Variants in NBPF9 observed in about 807,000 individuals in gnomAD.
The protein encoded by NBPF9 is NBPF family member NBPF9.
Under a neutral mutation model 97.8 loss-of-function variants are expected in NBPF9, and 91 were observed. The ratio of observed to expected loss-of-function variants is 0.93; its 90% CI spans 0.79 to 1.11. NBPF9 has a LOEUF of 1.11. Ranked by LOEUF, NBPF9 falls within the 50% of genes least tolerant of loss-of-function variation. The pLI is 0.00. For synonymous variants in NBPF9, 334 were observed against 359.5 expected (o/e 0.93, Z 0.80); for missense variants, 992 against 939.5 (o/e 1.06, Z -0.73).
chr1:149,063,506 C>T (rs367913557), intron 20 of NBPF9, 127 bp downstream of exon 20: 6 of 701,406 alleles, frequency 8.6e-6, no homozygotes, highest in Middle Eastern at 3.8e-4. Flanking sequence ...ATTCAACGTA[C>T]ATGTGCCTAT....
rs2080818921 is a variant in NBPF9, at chr1:149,084,431, T to C, written c.-194-2001A>G. On this transcript the variant is annotated intron_variant, in intron 5 of 29. Coordinates refer to ENST00000584027, the Ensembl canonical transcript of NBPF9. The stretch of plus-strand genomic sequence containing the variant: ...ATATATAACATGTGTATATATATTA[T>C]ATATATATATATTTTTCTTTTTTAA... Among the ~76,000 whole-genome samples the C allele has an allele frequency of 2.2e-5, 3 of 135,674 alleles. No homozygotes were observed. The South Asian group carries it at 6.3e-4, about 29-fold the overall frequency. The allele number at this position is 135,674 out of a possible 152,430, so 89.0% of individuals were successfully genotyped here. A position where few individuals can be genotyped will look rare whatever the true frequency, so the allele number is the denominator to read the frequency against.
intron 14 of NBPF9, among the ~76,000 whole-genome samples, chr1:149,072,434 C>T (rs1234274163): frequency 1.3e-5 from 2 of 152,120 alleles, no homozygotes; most frequent in Non-Finnish European, 2.9e-5. Context: ...AACAAGCCTG[C>T]TCCCATCGCA....
At chr1:149,063,659 C>T (rs587703461) in exon 20 of NBPF9, 127 of 621,696 alleles carry the variant, frequency 2.0e-4, no homozygotes, top group Non-Finnish European at 3.0e-4. Context: ...CAAGCCAACA[C>T]GCTGTTGCTC....
At chr1:149,074,241 C>G (rs1223756534) in intron 12 of NBPF9, among the ~76,000 whole-genome samples, 1 of 151,316 alleles carries the variant, frequency 6.6e-6, no homozygotes, top group East Asian at 1.9e-4. Context: ...ATTTCTTGTA[C>G]AGTCGGGAAG....
chr1:149,082,604 C>A (rs6604862), intron 5 of NBPF9, among the ~76,000 whole-genome samples, 174 bp from the exon 6 acceptor site: 1 of 140,744 alleles, frequency 7.1e-6, no homozygotes, highest in Non-Finnish European at 1.5e-5. Context: ...ACCCTTGTGA[C>A]AATGCCACAG....
chr1:149,099,408 CTG>C (rs1437990857), intron 3 of NBPF9, among the ~76,000 whole-genome samples: 3,386 of 152,306 alleles, frequency 0.022, 113 homozygotes, highest in African/African-American at 0.077. Context: ...ATGGTGAAAA[CTG>C]TGACACTTGG....
chr1:149,079,892 T>TA (rs1209992095), intron 8 of NBPF9, among the ~76,000 whole-genome samples, 161 bp downstream of exon 8: 1 of 152,302 alleles, frequency 6.6e-6, no homozygotes, highest in Non-Finnish European at 1.5e-5. Context: ...GAACTTATTA[T>TA]TATCCTTGTT....
intron 4 of NBPF9, among the ~76,000 whole-genome samples, chr1:149,093,019 C>A (rs1420366480): frequency 6.6e-6 from 1 of 151,676 alleles, no homozygotes; most frequent in Non-Finnish European, 1.5e-5. Flanking sequence ...ACAGAGGACC[C>A]ATGCCGGCAC....
intron 4 of NBPF9, among the ~76,000 whole-genome samples, chr1:149,093,314 T>C (rs1251156122): frequency 1.3e-5 from 2 of 151,744 alleles, no homozygotes; most frequent in African/African-American, 2.4e-5. Context: ...AATCGGGCTT[T>C]ACACCGAGAC....
In NBPF9 at chr1:149,055,692, G is replaced by A. The variant is rs144947204; in HGVS notation, c.3300C>T (p.His1100=). The A allele has an allele frequency of 7.4e-6, 12 of 1,611,950 alleles. No homozygotes were observed. The South Asian group carries it at 1.2e-4, about 16-fold the overall frequency. ...ATATGACTTCCATCTGGAACACCAG[G>A]TGGAGACTTGTCACCGTCAAAGTAA... The change falls in exon 30 of 30, where the codon CAC becomes CAT. Residue 1100 remains histidine, a synonymous_variant. Coordinates refer to ENST00000584027, the Ensembl canonical transcript of NBPF9.
Position 149,076,975 on chromosome 1 carries a change from T to A in NBPF9, c.778+233A>T, listed in dbSNP as rs1277338843. 5.1e-3 allele frequency among the ~76,000 whole-genome samples: 772 copies of A among 151,174 alleles called. 18 individuals are homozygous for A. Among genetic ancestry groups the A allele is most frequent in the Non-Finnish European group, 8.4e-3 (567 of 67,560 alleles). ...ATGCCTGCCTAATTTTTTGTGTTCT[T>A]TGTAAAGATGGGTTTCACCATATTG... On this transcript the variant is annotated intron_variant, in intron 11 of 29. Coordinates refer to ENST00000584027, the Ensembl canonical transcript of NBPF9.
chr1:149,075,059 C>T (rs1553653945), intron 12 of NBPF9, among the ~76,000 whole-genome samples: 1 of 151,488 alleles, frequency 6.6e-6, no homozygotes, highest in African/African-American at 2.4e-5. Context: ...ATCTGCCCGC[C>T]TCAGCCTCCC....
At chr1:149,076,124 G>T (rs1238189396) in intron 11 of NBPF9, among the ~76,000 whole-genome samples, 1 of 152,024 alleles carries the variant, frequency 6.6e-6, no homozygotes, top group Non-Finnish European at 1.5e-5. Context: ...TTGGCCCTGA[G>T]ATTTTTACCC....
intron 27 of NBPF9, among the ~76,000 whole-genome samples, chr1:149,057,777 C>T (rs1471306910): frequency 2.1e-3 from 174 of 82,754 alleles, no homozygotes; most frequent in East Asian, 6.5e-3. Context: ...AGAGAGAGAA[C>T]GAGCTCAGTG....
intron 2 of NBPF9, among the ~76,000 whole-genome samples, chr1:149,101,997 C>T (rs1204274595): frequency 2.6e-5 from 3 of 117,332 alleles, no homozygotes; most frequent in African/African-American, 9.9e-5. Flanking sequence ...GCCATGATCA[C>T]GGCTCACTGC....
At chr1:149,074,467 G>C (rs1295343096) in intron 12 of NBPF9, among the ~76,000 whole-genome samples, 2 of 151,562 alleles carry the variant, frequency 1.3e-5, no homozygotes, top group Non-Finnish European at 3.0e-5. Context: ...AGAAACAGCA[G>C]AATGAAGAAC....
rs587595238 is a variant in NBPF9 at position 149,071,824 on chromosome 1, T to A, written c.1307-148A>T. Reference sequence around the variant, plus strand: ...ATGTTTTATCTTTAACAGAATGCCCTGGCATGGTTTCCTGATCCATCAGGC... The same window carrying A: ...ATGTTTTATCTTTAACAGAATGCCCAGGCATGGTTTCCTGATCCATCAGGC... On this transcript the variant is annotated intron_variant, in intron 14 of 29. Transcript: ENST00000584027. 4.6e-5 allele frequency: 29 copies of A among 634,706 alleles called. No individual in the cohort carries two copies. The African/African-American group carries it at 4.9e-4, about 11-fold the overall frequency. The allele number at this position is 634,706 out of a possible 1,614,324, so 39.3% of individuals were successfully genotyped here. A position where few individuals can be genotyped will look rare whatever the true frequency, so the allele number is the denominator to read the frequency against.
At chr1:149,085,202 G>C (rs1471218108) in intron 5 of NBPF9, among the ~76,000 whole-genome samples, 8 of 151,880 alleles carry the variant, frequency 5.3e-5, no homozygotes, top group Non-Finnish European at 7.4e-5. Flanking sequence ...TCCTGTGTGT[G>C]GCTGGAAAAC....
At chr1:149,079,126 T>C in exon 9 of NBPF9, 1 of 1,282,074 alleles carries the variant, frequency 7.8e-7, no homozygotes, top group Non-Finnish European at 1.1e-6. Flanking sequence ...CTGGAGATGC[T>C]CATTCAATGA....
Sources: allele counts gnomAD v4.1 joint callset (sites outside exome capture counted in the v4.1 genomes callset), GRCh38; gene constraint gnomAD v4.1.1; transcripts MANE v1.5; gene names NCBI Gene and HGNC (gene_info 2026-07-23, HGNC 2026-07-21).